Variants in MTTP observed in about 807,000 individuals in gnomAD.
The protein encoded by MTTP is microsomal triglyceride transfer protein large subunit.
In MTTP, 49 loss-of-function variants were observed where a neutral mutation model predicts 90.6. That is an observed-to-expected ratio of 0.54 (90% confidence interval 0.43 to 0.69). MTTP has a LOEUF of 0.69. MTTP is among the 30% of genes least tolerant of loss of function. The pLI is 0.00. For synonymous variants in MTTP, 347 were observed against 384.2 expected, an observed-to-expected ratio of 0.90 and a Z score of 1.13; for missense variants, 945 against 1,067.5, an observed-to-expected ratio of 0.89 and a Z score of 1.60.
At chr4:99,583,557 TCA>T (rs1173594229) in intron 3 of MTTP, 40 bp downstream of exon 3, 1 of 1,611,178 alleles carries the variant, frequency 6.2e-7, no homozygotes, top group Non-Finnish European at 8.5e-7. Flanking sequence ...TTCTCCAACT[TCA>T]TATTTTTCTT....
chr4:99,591,511 C>T lies in MTTP; in HGVS notation c.619-140C>T, dbSNP rs879545037. The T allele has an allele frequency of 3.6e-6, 4 of 1,114,712 alleles. No individual in the cohort carries two copies. The Admixed American group carries it at 8.0e-5, about 22-fold the overall frequency. 69.1% of individuals were successfully genotyped at this position (1,114,712 alleles called of 1,614,324 possible). On this transcript the variant is annotated intron_variant, in intron 5 of 17. Coordinates refer to ENST00000265517, the MANE Select transcript of MTTP (RefSeq NM_001386140.1). The stretch of plus-strand genomic sequence containing the variant: ...ACATATGTAATGAATAGACCCATTT[C>T]AATTGTTGTAGGTGTTAGTAATGAG...
intron 7 of MTTP, among the ~76,000 whole-genome samples, chr4:99,596,254 T>G (rs562017460): frequency 6.6e-6 from 1 of 152,120 alleles, no homozygotes; most frequent in Non-Finnish European, 1.5e-5. Context: ...AAGTTATTAC[T>G]ATAGAGTTAG....
At chr4:99,591,889 C>A in intron 6 of MTTP, 99 bp downstream of exon 6, 3 of 995,268 alleles carry the variant, frequency 3.0e-6, no homozygotes, top group Non-Finnish European at 3.0e-6. Flanking sequence ...TGTGTGTGTG[C>A]GCGTGTAGTC....
At position 99,581,906 on chromosome 4, in the gene MTTP, T is replaced by A; in HGVS notation, c.63T>A (p.Gly21=). Residue 21 remains glycine (G), a splice_region_variant and synonymous_variant, in exon 2 of 18, where the codon GGT becomes GGA. Coordinates refer to ENST00000265517, the MANE Select transcript of MTTP (RefSeq NM_001386140.1). ...ATATGTGTCATTATCTTTATGCAGGTCACACAACTGGTCTCTCATTAAATA... is the reference window on the plus strand; with the variant it reads ...ATATGTGTCATTATCTTTATGCAGGACACACAACTGGTCTCTCATTAAATA... ...FISSYSASVK[G]HTTGLSLNND... 6.2e-7 allele frequency: 1 copy of A among 1,614,068 alleles called. No homozygotes were observed. Among genetic ancestry groups the A allele is most frequent in the Non-Finnish European group, 8.5e-7 (1 of 1,179,942 alleles).
At chr4:99,603,763 C>T (rs1725751533) in intron 10 of MTTP, among the ~76,000 whole-genome samples, 1 of 152,014 alleles carries the variant, frequency 6.6e-6, no homozygotes, top group African/African-American at 2.4e-5. Flanking sequence ...AGGCAGGTGT[C>T]CACATTCACC....
intron 8 of MTTP, 24 bp downstream of exon 8, chr4:99,597,248 G>A (rs1725580962): frequency 1.2e-6 from 2 of 1,610,266 alleles, no homozygotes; most frequent in Non-Finnish European, 1.7e-6. Flanking sequence ...CCTTTGTGTG[G>A]GGTTGTCTGT....
intron 10 of MTTP, among the ~76,000 whole-genome samples, chr4:99,605,585 A>G (rs1368994738): frequency 2.0e-5 from 3 of 152,192 alleles, no homozygotes; most frequent in Non-Finnish European, 2.9e-5. Flanking sequence ...CTTCAGGGAT[A>G]GAGTTGCTGG....
intron 11 of MTTP, 133 bp from the exon 12 acceptor site, chr4:99,608,633 A>G: frequency 1.3e-6 from 1 of 775,064 alleles, no homozygotes; most frequent in South Asian, 1.5e-5. Flanking sequence ...GGCCCCCACC[A>G]AATCACAAAG....
intron 9 of MTTP, among the ~76,000 whole-genome samples, chr4:99,601,110 A>G (rs527865421): frequency 6.6e-6 from 1 of 152,270 alleles, no homozygotes; most frequent in African/African-American, 2.4e-5. Flanking sequence ...CATTGAAGAG[A>G]TACAATTCTT....
chr4:99,619,125 T>G (rs1189190704), intron 16 of MTTP, 27 bp downstream of exon 16: 1 of 1,591,230 alleles, frequency 6.3e-7, no homozygotes, highest in South Asian at 1.1e-5. Flanking sequence ...TATACATTTA[T>G]GAATTACATA....
At chr4:99,620,781 T>C (rs186418752) in intron 16 of MTTP, 20 of 423,124 alleles carry the variant, frequency 4.7e-5, no homozygotes, top group Admixed American at 1.2e-4. Flanking sequence ...GTTATGCCCA[T>C]ACAAAACAAT....
At chr4:99,592,106 G>GT (rs1481253613) in intron 6 of MTTP, among the ~76,000 whole-genome samples, 2 of 152,126 alleles carry the variant, frequency 1.3e-5, no homozygotes, top group Non-Finnish European at 2.9e-5. Context: ...ACAATGGTAA[G>GT]TTTTTGTGTA....
rs116005476 is a variant in MTTP, at chr4:99,623,363, G to A, written c.*515G>A. 1,389 of 160,112 alleles carry A rather than the reference G, an allele frequency of 8.7e-3. 7 individuals carry two copies. The highest frequency in any genetic ancestry group is 0.011 in the Non-Finnish European group (840 of 73,156). The allele number at this position is 160,112 out of a possible 1,614,324, so 9.9% of individuals were successfully genotyped here. A position where few individuals can be genotyped will look rare whatever the true frequency, so the allele number is the denominator to read the frequency against. On this transcript the variant is annotated 3_prime_UTR_variant, in exon 18 of 18. Transcript: ENST00000265517. ...TTGGAGTTGGGGGCCCAGGGAGAAG[G>A]GACAAGACTTTTAAAAGACTTGTTA...
chr4:99,566,510 G>A (rs1724706502), intron 1 of MTTP, among the ~76,000 whole-genome samples: 1 of 152,106 alleles, frequency 6.6e-6, no homozygotes, highest in South Asian at 2.1e-4. Context: ...CTGGAAGGTA[G>A]CAAATGAGAG....
At chr4:99,589,771 G>T (rs1401212304) in intron 4 of MTTP, 21 bp downstream of exon 4, 1 of 1,387,626 alleles carries the variant, frequency 7.2e-7, no homozygotes, top group African/African-American at 1.5e-5. Flanking sequence ...ATATTAATAA[G>T]GATTCAGCAT....
chr4:99,608,400 G>A (rs553326816), intron 11 of MTTP, among the ~76,000 whole-genome samples: 60 of 152,268 alleles, frequency 3.9e-4, no homozygotes, highest in East Asian at 1.5e-3. Context: ...AGCCGAGATC[G>A]TGCCACTGCA....
rs537383336 is a variant in MTTP, at chr4:99,623,039, T to C, written c.*191T>C. ...CAGTATGCTACCCACAGCGTCATTT[T>C]GAATCATCATGTGACGCTTTCAACA... On this transcript the variant is annotated 3_prime_UTR_variant, in exon 18 of 18. Coordinates refer to ENST00000265517, the MANE Select transcript of MTTP (RefSeq NM_001386140.1). The C allele has an allele frequency of 2.1e-4, 130 of 629,010 alleles. 1 individual carries two copies. The African/African-American group carries it at 2.2e-3, about 10-fold the overall frequency. The allele number at this position is 629,010 out of a possible 1,614,324, so 39.0% of individuals were successfully genotyped here. A position where few individuals can be genotyped will look rare whatever the true frequency, so the allele number is the denominator to read the frequency against.
chr4:99,607,557 A>G (rs1725846242), intron 11 of MTTP, among the ~76,000 whole-genome samples: 1 of 152,224 alleles, frequency 6.6e-6, no homozygotes, highest in Non-Finnish European at 1.5e-5. Flanking sequence ...CTTGTTTAAC[A>G]TCTACATATC....
chr4:99,614,403 T>C (rs553114168), intron 15 of MTTP, among the ~76,000 whole-genome samples: 1 of 152,304 alleles, frequency 6.6e-6, no homozygotes. Flanking sequence ...CTCCAAAAGC[T>C]CATTATTTGG....
Sources: allele counts gnomAD v4.1 joint callset (sites outside exome capture counted in the v4.1 genomes callset), GRCh38; gene constraint gnomAD v4.1.1; transcripts MANE v1.5; gene names NCBI Gene and HGNC (gene_info 2026-07-23, HGNC 2026-07-21).